ARFGEF2: variants seen among roughly 807,000 people sequenced by gnomAD.
ARFGEF2 encodes ARF guanine nucleotide exchange factor 2.
Under a neutral mutation model 219.9 loss-of-function variants are expected in ARFGEF2, and 74 were observed. That is an observed-to-expected ratio of 0.34 (90% CI 0.28 to 0.41). The LOEUF is 0.41. ARFGEF2 is among the 10% of genes least tolerant of loss of function. The pLI, the probability that ARFGEF2 is intolerant of heterozygous loss-of-function variation, is 1.00. For synonymous variants in ARFGEF2, 733 were observed against 799.2 expected (o/e 0.92, Z 1.40); for missense variants, 1,743 against 2,218.3 (o/e 0.79, Z 4.30).
intron 3 of ARFGEF2, among the ~76,000 whole-genome samples, chr20:48,950,332 G>T (rs1426167631): frequency 6.6e-6 from 1 of 152,020 alleles, no homozygotes; most frequent in Admixed American, 6.6e-5. Context: ...GTACTACAGA[G>T]TGTCTTAGTC....
chr20:48,961,540 T>G (rs1021610765), intron 6 of ARFGEF2, among the ~76,000 whole-genome samples: 5 of 151,924 alleles, frequency 3.3e-5, no homozygotes, highest in Admixed American at 3.3e-4. Context: ...CTTTTTCTTT[T>G]TTAAATAAGT....
At chr20:48,948,108 C>T (rs1048153359) in intron 3 of ARFGEF2, among the ~76,000 whole-genome samples, 2 of 152,142 alleles carry the variant, frequency 1.3e-5, no homozygotes, top group African/African-American at 4.8e-5. Context: ...GTAAGTTGTA[C>T]ATGACTACAG....
intron 1 of ARFGEF2, among the ~76,000 whole-genome samples, chr20:48,923,787 A>G (rs2090858736): frequency 6.6e-6 from 1 of 152,222 alleles, no homozygotes. Flanking sequence ...CAAAGTGTGC[A>G]TCATATTATT....
intron 21 of ARFGEF2, among the ~76,000 whole-genome samples, chr20:48,992,680 G>A (rs548743872): frequency 2.6e-5 from 4 of 152,316 alleles, no homozygotes; most frequent in South Asian, 2.1e-4. Context: ...TCTCCGTGGC[G>A]TATGGCTTTG....
In ARFGEF2 at chr20:49,025,401, T is replaced by C. The variant is rs756606048; in HGVS notation, c.4844T>C (p.Leu1615Ser). 1.2e-6 allele frequency: 2 copies of C among 1,614,158 alleles called. No individual in the cohort carries two copies. The highest frequency in any genetic ancestry group is 1.7e-6 in the Non-Finnish European group (2 of 1,180,002). Residue 1615 changes from leucine (L) to serine (S), a missense_variant, in exon 36 of 39, where the codon TTG (leucine) becomes TCG (serine). Around this residue, in one of 5 missense-constraint regions of ARFGEF2, gnomAD observed 578 missense variants for 664.0 expected, o/e 0.87. Coordinates refer to ENST00000371917, the MANE Select transcript of ARFGEF2 (RefSeq NM_006420.3). ...YMSSQHLFKL[L>S]DCLQESHSFS... ...TCTTCCCAGCACCTCTTCAAGCTGT[T>C]GGACTGTTTGCAGGAATCCCATTCA...
At chr20:48,986,076 G>A (rs556167614) in intron 16 of ARFGEF2, among the ~76,000 whole-genome samples, 38 of 152,274 alleles carry the variant, frequency 2.5e-4, no homozygotes, top group African/African-American at 8.4e-4. Context: ...TTTATCTGGG[G>A]ACCTTTTTTG....
chr20:48,997,985 G>A (rs2091402393), intron 23 of ARFGEF2: 2 of 554,176 alleles, frequency 3.6e-6, no homozygotes, highest in Non-Finnish European at 6.5e-6. Context: ...AGCCTCCCAA[G>A]TAGCTGGGAT....
chr20:49,012,100 C>T lies in ARFGEF2; in HGVS notation c.3918+16C>T. The T allele has an allele frequency of 6.2e-7, 1 of 1,614,172 alleles. No homozygotes were observed. The highest frequency in any genetic ancestry group is 8.5e-7 in the Non-Finnish European group (1 of 1,180,014). On this transcript the variant is annotated intron_variant, in intron 28 of 38. Coordinates refer to ENST00000371917, the MANE Select transcript of ARFGEF2 (RefSeq NM_006420.3). ...GAGGCCTCGGGTTCGTTTTTCCCCACCTTACTCAGATGGGCAGTGAAGGGA... is the reference window on the plus strand; with the variant it reads ...GAGGCCTCGGGTTCGTTTTTCCCCATCTTACTCAGATGGGCAGTGAAGGGA...
chr20:48,933,298 C>T (rs1286312875), intron 1 of ARFGEF2, among the ~76,000 whole-genome samples: 2 of 152,214 alleles, frequency 1.3e-5, no homozygotes, highest in Admixed American at 1.3e-4. Flanking sequence ...CGTCCTCCTT[C>T]TGTCATCGTT....
chr20:49,016,250 C>CTT, intron 30 of ARFGEF2, 30 bp from the exon 31 acceptor site: 1 of 1,612,272 alleles, frequency 6.2e-7, no homozygotes, highest in Non-Finnish European at 8.5e-7. Context: ...GGGAGAATAG[C>CTT]TTTTAAGTGT....
At chr20:48,931,151 G>A (rs989242694) in intron 1 of ARFGEF2, among the ~76,000 whole-genome samples, 1 of 152,194 alleles carries the variant, frequency 6.6e-6, no homozygotes, top group African/African-American at 2.4e-5. Context: ...GAAACAGACG[G>A]TGAACATAGA....
intron 25 of ARFGEF2, 49 bp downstream of exon 25, chr20:48,998,554 A>G (rs1327822767): frequency 4.5e-6 from 7 of 1,551,352 alleles, no homozygotes; most frequent in African/African-American, 1.4e-5. Flanking sequence ...AAAAAAAAGT[A>G]GACAACTGAA....
At chr20:49,018,051 G>T (rs1279403143) in intron 33 of ARFGEF2, among the ~76,000 whole-genome samples, 1 of 152,256 alleles carries the variant, frequency 6.6e-6, no homozygotes, top group East Asian at 1.9e-4. Context: ...AGAAGTGGTA[G>T]TTCTTACTTT....
intron 37 of ARFGEF2, among the ~76,000 whole-genome samples, chr20:49,029,407 C>T (rs1568746949): frequency 6.6e-6 from 1 of 152,134 alleles, no homozygotes. Context: ...CTCTGTGACT[C>T]AGTAATTCCA....
At chr20:48,951,500 T>C (rs751989813) in intron 4 of ARFGEF2, 31 bp downstream of exon 4, 51 of 1,613,894 alleles carry the variant, frequency 3.2e-5, no homozygotes, top group Non-Finnish European at 4.2e-5. Flanking sequence ...GTCTGGTTTT[T>C]AAATTAGAAA....
chr20:48,937,485 T>C (rs2090966166), intron 1 of ARFGEF2, among the ~76,000 whole-genome samples: 1 of 152,232 alleles, frequency 6.6e-6, no homozygotes, highest in Non-Finnish European at 1.5e-5. Context: ...GAGCTTAAAC[T>C]GATCTGCCCA....
At chr20:48,991,013 G>A in intron 20 of ARFGEF2, 27 bp from the exon 21 acceptor site, 1 of 1,609,892 alleles carries the variant, frequency 6.2e-7, no homozygotes, top group African/African-American at 1.3e-5. Flanking sequence ...TGGAGTCACA[G>A]TGTTCTCTCT....
chr20:48,961,871 A>C (rs2091155055), intron 6 of ARFGEF2, among the ~76,000 whole-genome samples: 1 of 150,894 alleles, frequency 6.6e-6, no homozygotes, highest in Non-Finnish European at 1.5e-5. Flanking sequence ...CAAAAAAAAA[A>C]AAAAAGTATA....
intron 7 of ARFGEF2, 124 bp from the exon 8 acceptor site, chr20:48,965,748 G>T: frequency 8.8e-7 from 1 of 1,132,734 alleles, no homozygotes; most frequent in South Asian, 1.3e-5. Flanking sequence ...ATGGGCTGGT[G>T]GCACAGGAAA....
Sources: gnomAD v4.1 joint callset for allele counts (sites outside exome capture counted in the v4.1 genomes callset) on GRCh38, gnomAD v4.1.1 for gene constraint, gnomAD v4.1.1 regional missense constraint, MANE v1.5 for transcripts, NCBI Gene and HGNC (gene_info 2026-07-23, HGNC 2026-07-21) for gene names.